PIK3R1: variants seen among roughly 807,000 people sequenced by gnomAD.
PIK3R1 encodes the protein phosphoinositide-3-kinase regulatory subunit 1.
In PIK3R1, 29 loss-of-function variants were observed where a neutral mutation model predicts 98.0. The ratio of observed to expected loss-of-function variants is 0.30; its 90% CI spans 0.22 to 0.40. The LOEUF (loss-of-function observed/expected upper bound fraction) is 0.40. Among genes scored for constraint, PIK3R1 ranks in the 10% least tolerant of loss-of-function variants. The probability of loss-of-function intolerance (pLI) is 1.00; values close to 1 mark genes in which losing one functional copy is unlikely to be tolerated. For synonymous variants in PIK3R1, 282 were observed against 311.8 expected, an observed-to-expected ratio of 0.90 and a Z score of 1.01; for missense variants, 596 against 872.7, an observed-to-expected ratio of 0.68 and a Z score of 3.99.
chr5:68,273,649 TCA>T, intron 3 of PIK3R1, 167 bp downstream of exon 3: 1 of 639,782 alleles, frequency 1.6e-6, no homozygotes, highest in East Asian at 2.7e-5. Context: ...GAAAAATGTC[TCA>T]GTCTATAATT....
chr5:68,292,656 C>T (rs1469644822), intron 8 of PIK3R1: 3 of 1,330,990 alleles, frequency 2.3e-6, no homozygotes, highest in Non-Finnish European at 2.9e-6. Context: ...TTAAGCACAA[C>T]TCTAAGAATT....
intron 2 of PIK3R1, among the ~76,000 whole-genome samples, chr5:68,261,572 A>G (rs1745749071): frequency 6.6e-6 from 1 of 152,190 alleles, no homozygotes; most frequent in Non-Finnish European, 1.5e-5. Context: ...AGTAGGTTAC[A>G]TTAAATGGCC....
chr5:68,220,645 C>T (rs1744060389), intron 1 of PIK3R1, among the ~76,000 whole-genome samples: 1 of 152,160 alleles, frequency 6.6e-6, no homozygotes, highest in Admixed American at 6.5e-5. Flanking sequence ...GCCCCACAAA[C>T]ACAACACCAA....
intron 2 of PIK3R1, among the ~76,000 whole-genome samples, chr5:68,267,423 T>C (rs763274847): frequency 1.3e-5 from 2 of 152,176 alleles, no homozygotes; most frequent in Non-Finnish European, 2.9e-5. Context: ...TTTTTAGCTG[T>C]GCAGCAGGAG....
intron 2 of PIK3R1, among the ~76,000 whole-genome samples, chr5:68,272,303 C>T (rs1746397622): frequency 6.6e-6 from 1 of 151,004 alleles, no homozygotes; most frequent in African/African-American, 2.4e-5. Flanking sequence ...TAGTATATGG[C>T]TTCTAATAAA....
At chr5:68,232,652 T>A (rs1435078861) in intron 2 of PIK3R1, among the ~76,000 whole-genome samples, 1 of 152,238 alleles carries the variant, frequency 6.6e-6, no homozygotes, top group Non-Finnish European at 1.5e-5. Context: ...GGTGTCTGTT[T>A]CTGCCTCTGT....
rs1201342958 is a variant in PIK3R1, at chr5:68,294,550, A to G, written c.1440A>G (p.Lys480=). Residue 480 remains lysine, a synonymous_variant, in exon 12 of 16, where the codon AAA becomes AAG. Coordinates refer to ENST00000521381, the MANE Select transcript of PIK3R1 (RefSeq NM_181523.3). ...TTATGTTGCAGGAAATCCAAATGAA[A>G]AGGACAGCTATTGAAGCATTTAATG... ...YTRTSQEIQM[K]RTAIEAFNET... is the part of the protein sequence containing the mutation. 1 of 1,603,738 alleles carries G rather than the reference A, an allele frequency of 6.2e-7. No individual in the cohort carries two copies. The highest frequency in any genetic ancestry group is 1.1e-5 in the South Asian group (1 of 88,904).
Position 68,279,052 on chromosome 5 carries a change from C to T in PIK3R1, c.503-550C>T, listed in dbSNP as rs565637322. ...CTTGGCTTGTAGATGGTCACCTGCTCACTGCATCCTCACAGCGTTTCTCCT... is the reference window on the plus strand; with the variant it reads ...CTTGGCTTGTAGATGGTCACCTGCTTACTGCATCCTCACAGCGTTTCTCCT... On this transcript the variant is annotated intron_variant, in intron 4 of 15. Transcript: ENST00000521381. 2.6e-5 allele frequency among the ~76,000 whole-genome samples: 4 copies of T among 152,282 alleles called. No individual in the cohort carries two copies. In the South Asian group the frequency reaches 8.3e-4, roughly 32 times the overall value.
At chr5:68,294,141 A>G (rs754046090) in intron 11 of PIK3R1, among the ~76,000 whole-genome samples, 3 of 152,220 alleles carry the variant, frequency 2.0e-5, no homozygotes, top group Non-Finnish European at 4.4e-5. Flanking sequence ...AGTTTCACAG[A>G]CTTGTCTAAT....
intron 2 of PIK3R1, among the ~76,000 whole-genome samples, chr5:68,263,713 T>G (rs1746003443): frequency 6.6e-6 from 1 of 152,238 alleles, no homozygotes; most frequent in Admixed American, 6.5e-5. Context: ...CTTTTCAAAC[T>G]TTTAAAATGA....
intron 2 of PIK3R1, among the ~76,000 whole-genome samples, chr5:68,240,427 T>A (rs1038011750): frequency 6.6e-6 from 1 of 152,236 alleles, no homozygotes; most frequent in Non-Finnish European, 1.5e-5. Context: ...TTAGAGGAAG[T>A]TTAAACATAT....
rs193135792 is a variant in PIK3R1, at chr5:68,269,152, C to T, written c.335-4238C>T. Among the ~76,000 whole-genome samples, 21 of 152,272 alleles carry T rather than the reference C, an allele frequency of 1.4e-4. No homozygotes were observed. The East Asian group carries it at 4.1e-3, about 29-fold the overall frequency. On this transcript the variant is annotated intron_variant, in intron 2 of 15. Coordinates refer to ENST00000521381, the MANE Select transcript of PIK3R1 (RefSeq NM_181523.3). Reference sequence around the variant, plus strand: ...TGTCTTGGATTCACTACTTTTAAACCTTTCTGCTGATCTTTATCCTTTTCT... The same window carrying T: ...TGTCTTGGATTCACTACTTTTAAACTTTTCTGCTGATCTTTATCCTTTTCT...
chr5:68,219,937 G>C (rs1214310348), intron 1 of PIK3R1, among the ~76,000 whole-genome samples: 1 of 152,144 alleles, frequency 6.6e-6, no homozygotes, highest in Admixed American at 6.5e-5. Flanking sequence ...GTAAAATAGA[G>C]ATAATTGTTG....
rs533077843 is a variant in PIK3R1 at position 68,279,670 on chromosome 5, C to T, written c.571C>T (p.Leu191=). Residue 191 remains leucine, a synonymous_variant, in exon 5 of 16, where the codon CTG becomes TTG. Transcript: ENST00000521381. Reference sequence around the variant, plus strand: ...GGCTGACGCTTTCAAACGCTATCTCCTGGACTTACCAAATCCTGTCATTCC... The same window carrying T: ...GGCTGACGCTTTCAAACGCTATCTCTTGGACTTACCAAATCCTGTCATTCC... ...VLADAFKRYL[L]DLPNPVIPAA... is the part of the protein sequence containing the mutation. The T allele has an allele frequency of 5.1e-4, 824 of 1,614,084 alleles. 8 individuals carry two copies. In the South Asian group the frequency reaches 8.6e-3, roughly 17 times the overall value.
At position 68,240,099 on chromosome 5, in the gene PIK3R1, A is replaced by G. The variant is rs949107864; in HGVS notation, c.334+13090A>G. Among the ~76,000 whole-genome samples, 10 of 149,728 alleles carry G rather than the reference A, an allele frequency of 6.7e-5. No homozygotes were observed. In the South Asian group the frequency reaches 2.1e-3, roughly 31 times the overall value. The stretch of plus-strand genomic sequence containing the variant: ...TATAATATTCAACTTTTATATATAT[A>G]TTACTTATATATAAATGTTTATGTA... On this transcript the variant is annotated intron_variant, in intron 2 of 15. Coordinates refer to ENST00000521381, the MANE Select transcript of PIK3R1 (RefSeq NM_181523.3).
chr5:68,233,084 T>G (rs533757558), intron 2 of PIK3R1, among the ~76,000 whole-genome samples: 1 of 152,330 alleles, frequency 6.6e-6, no homozygotes, highest in Non-Finnish European at 1.5e-5. Context: ...GAAAAAAAAT[T>G]AGAAATTCTG....
intron 7 of PIK3R1, among the ~76,000 whole-genome samples, chr5:68,285,841 G>T (rs529147773): frequency 6.6e-6 from 1 of 152,304 alleles, no homozygotes; most frequent in East Asian, 1.9e-4. Flanking sequence ...GTTAAGACCA[G>T]TGGATATGGA....
At chr5:68,238,662 T>G (rs55971425) in intron 2 of PIK3R1, among the ~76,000 whole-genome samples, 1 of 152,096 alleles carries the variant, frequency 6.6e-6, no homozygotes, top group Non-Finnish European at 1.5e-5. Flanking sequence ...AGAAACAAGA[T>G]AAAGCTCTTT....
At chr5:68,259,826 ACACT>A (rs892453319) in intron 2 of PIK3R1, among the ~76,000 whole-genome samples, 4 of 152,150 alleles carry the variant, frequency 2.6e-5, no homozygotes, top group Non-Finnish European at 5.9e-5. Context: ...TCATGGGATG[ACACT>A]CAGTTAGTAC....
Sources: allele counts gnomAD v4.1 joint callset (sites outside exome capture counted in the v4.1 genomes callset), GRCh38; gene constraint gnomAD v4.1.1; transcripts MANE v1.5; gene names NCBI Gene and HGNC (gene_info 2026-07-23, HGNC 2026-07-21).